Variants in ARFGEF2 observed in about 807,000 individuals in gnomAD.
The protein encoded by ARFGEF2 is ARF guanine nucleotide exchange factor 2, also known as brefeldin A-inhibited guanine nucleotide-exchange protein 2.
A neutral mutation model predicts 219.9 loss-of-function variants in ARFGEF2; 74 were observed. The ratio of observed to expected loss-of-function variants is 0.34; its 90% CI spans 0.28 to 0.41. The LOEUF is 0.41. Among genes scored for constraint, ARFGEF2 ranks in the 10% least tolerant of loss-of-function variants. ARFGEF2 has a pLI of 1.00. For synonymous variants in ARFGEF2, 733 were observed against 799.2 expected, an observed-to-expected ratio of 0.92 and a Z score of 1.40; for missense variants, 1,743 against 2,218.3, an observed-to-expected ratio of 0.79 and a Z score of 4.30.
chr20:48,982,429 A>T (rs989709295), intron 14 of ARFGEF2, among the ~76,000 whole-genome samples: 28 of 152,100 alleles, frequency 1.8e-4, no homozygotes, highest in Admixed American at 6.5e-4. Flanking sequence ...CCTTTCTGGG[A>T]GGTGTCTCCC....
At chr20:49,001,820 T>A (rs2123491206) in intron 25 of ARFGEF2, among the ~76,000 whole-genome samples, 1 of 152,370 alleles carries the variant, frequency 6.6e-6, no homozygotes, top group South Asian at 2.1e-4. Context: ...TAATATTGTC[T>A]TGGTTTGTTT....
intron 27 of ARFGEF2, 91 bp from the exon 28 acceptor site, chr20:49,011,827 ATGTATG>A: frequency 8.0e-7 from 1 of 1,251,820 alleles, no homozygotes; most frequent in African/African-American, 1.6e-5. Context: ...ATTATCTCTG[ATGTATG>A]TGTGTGTGTG....
At chr20:49,001,869 G>A (rs543020559) in intron 25 of ARFGEF2, among the ~76,000 whole-genome samples, 1 of 152,222 alleles carries the variant, frequency 6.6e-6, no homozygotes, top group South Asian at 2.1e-4. Context: ...TTTGTAACTT[G>A]TTTCTTCCAC....
At chr20:49,008,660 A>C (rs533032063) in intron 26 of ARFGEF2, among the ~76,000 whole-genome samples, 1 of 151,692 alleles carries the variant, frequency 6.6e-6, no homozygotes, top group African/African-American at 2.4e-5. Flanking sequence ...TAATAGAGAT[A>C]GTGAAACGTG....
chr20:48,965,824 G>A (rs1323914582), intron 7 of ARFGEF2, 48 bp from the exon 8 acceptor site: 2 of 1,611,548 alleles, frequency 1.2e-6, no homozygotes, highest in Non-Finnish European at 1.7e-6. Flanking sequence ...AGCCCTTTAG[G>A]GTAAGTACAG....
chr20:48,975,365 A>G (rs748857999), intron 13 of ARFGEF2, among the ~76,000 whole-genome samples: 11 of 151,918 alleles, frequency 7.2e-5, no homozygotes, highest in Non-Finnish European at 1.3e-4. Flanking sequence ...TGGATTTTCT[A>G]TTCTGTTCTG....
rs80188553 is a variant in ARFGEF2, at chr20:48,988,577, A to G, written c.2448A>G (p.Ser816=). The G allele has an allele frequency of 1.4e-5, 23 of 1,613,290 alleles. No homozygotes were observed. In the South Asian group the frequency reaches 2.5e-4, roughly 18 times the overall value. ...DSKDLPEEYL[S]SIYEEIEGKK... ...AAGATCTGCCAGAAGAGTATCTCTC[A>G]AGCATCTATGAAGAGATAGAAGGCA... The change falls in exon 18 of 39, where the codon TCA becomes TCG. Residue 816 remains serine (S), a synonymous_variant. Transcript: ENST00000371917.
intron 14 of ARFGEF2, among the ~76,000 whole-genome samples, chr20:48,980,088 A>T (rs2091285715): frequency 6.6e-6 from 1 of 152,050 alleles, no homozygotes; most frequent in South Asian, 2.1e-4. Flanking sequence ...TGTCAATTTT[A>T]GATCTTTCCT....
intron 1 of ARFGEF2, among the ~76,000 whole-genome samples, chr20:48,931,265 A>G (rs1470404604): frequency 6.6e-6 from 1 of 152,150 alleles, no homozygotes; most frequent in Non-Finnish European, 1.5e-5. Context: ...ACTTGTTTAA[A>G]TGTCATTGGG....
At chr20:48,965,804 G>T in intron 7 of ARFGEF2, 68 bp from the exon 8 acceptor site, 2 of 1,583,166 alleles carry the variant, frequency 1.3e-6, no homozygotes, top group Non-Finnish European at 1.7e-6. Flanking sequence ...ACTTCTTTTT[G>T]GTGTCAGGCA....
chr20:48,971,900 C>CA (rs370707828), intron 10 of ARFGEF2, among the ~76,000 whole-genome samples: 30 of 144,710 alleles, frequency 2.1e-4, no homozygotes, highest in East Asian at 6.0e-4. Flanking sequence ...GACTCCATCT[C>CA]AAAAAAAAAA....
chr20:48,965,468 A>T (rs1309201735), intron 7 of ARFGEF2, among the ~76,000 whole-genome samples: 1 of 152,084 alleles, frequency 6.6e-6, no homozygotes, highest in Non-Finnish European at 1.5e-5. Context: ...TTTCTCTGTG[A>T]CTAAGGTTTT....
chr20:48,996,218 G>C (rs1406952825), intron 23 of ARFGEF2, among the ~76,000 whole-genome samples: 1 of 149,362 alleles, frequency 6.7e-6, no homozygotes, highest in Non-Finnish European at 1.5e-5. Context: ...CACTTTGGGA[G>C]GTCAAGGCAG....
intron 26 of ARFGEF2, 90 bp from the exon 27 acceptor site, chr20:49,010,142 T>A (rs1251982662): frequency 2.0e-6 from 3 of 1,489,938 alleles, no homozygotes; most frequent in Non-Finnish European, 2.7e-6. Context: ...TAAGAAATGT[T>A]TAAGTGCTGC....
chr20:49,025,212 G>C, intron 35 of ARFGEF2, 101 bp from the exon 36 acceptor site: 1 of 1,206,312 alleles, frequency 8.3e-7, no homozygotes, highest in Non-Finnish European at 1.2e-6. Context: ...TATAGACAGG[G>C]ATGACTTTTG....
At chr20:49,020,028 T>G (rs1427696261) in intron 34 of ARFGEF2, among the ~76,000 whole-genome samples, 4 of 152,268 alleles carry the variant, frequency 2.6e-5, no homozygotes, top group Non-Finnish European at 5.9e-5. Flanking sequence ...CATGTAATCC[T>G]CATAGTAGCC....
chr20:48,976,127 C>T lies in ARFGEF2; in HGVS notation c.1886C>T (p.Thr629Ile). 6.2e-7 allele frequency: 1 copy of T among 1,613,944 alleles called. No homozygotes were observed. Among genetic ancestry groups the T allele is most frequent in the Non-Finnish European group, 8.5e-7 (1 of 1,180,040 alleles). Residue 629 changes from threonine to isoleucine, a missense_variant, in exon 14 of 39, where the codon ACT (threonine) becomes ATT (isoleucine). Transcript: ENST00000371917. ...ESTVSSGTQT[T>I]VQDDPEQFEV... ...ACAGTGTCCTCGGGGACCCAGACAA[C>T]TGTTCAGGATGACCCTGAGCAATTT...
At chr20:48,931,945 A>G (rs1343124009) in intron 1 of ARFGEF2, among the ~76,000 whole-genome samples, 1 of 152,170 alleles carries the variant, frequency 6.6e-6, no homozygotes, top group East Asian at 1.9e-4. Context: ...GCTGCTGTTG[A>G]GAAAAGCTGT....
At chr20:48,949,550 C>T (rs544161358) in intron 3 of ARFGEF2, among the ~76,000 whole-genome samples, 20 of 152,264 alleles carry the variant, frequency 1.3e-4, no homozygotes, top group Admixed American at 3.9e-4. Flanking sequence ...GCAGAGTGTA[C>T]GCAGGCCTCT....
Sources: allele counts gnomAD v4.1 joint callset (sites outside exome capture counted in the v4.1 genomes callset), GRCh38; gene constraint gnomAD v4.1.1; transcripts MANE v1.5; gene names NCBI Gene and HGNC (gene_info 2026-07-23, HGNC 2026-07-21).